ABL1: variants seen among roughly 807,000 people sequenced by gnomAD.
The protein encoded by ABL1 is tyrosine-protein kinase ABL1.
In ABL1, 11 loss-of-function variants were observed where a neutral mutation model predicts 94.7. That is an observed-to-expected ratio of 0.12 (90% CI 0.07 to 0.19). The LOEUF (loss-of-function observed/expected upper bound fraction) is 0.19. Among genes scored for constraint, ABL1 ranks in the 10% least tolerant of loss-of-function variants. The probability of loss-of-function intolerance (pLI) is 1.00; values close to 1 mark genes in which losing one functional copy is unlikely to be tolerated. For missense variants in ABL1, 1,082 were observed against 1,489.4 expected (o/e 0.73, Z 4.50); for synonymous variants, 656 against 622.4 (o/e 1.05, Z -0.80).
intron 2 of ABL1, among the ~76,000 whole-genome samples, chr9:130,854,464 A>G (rs1830941564): frequency 6.6e-6 from 1 of 152,220 alleles, no homozygotes; most frequent in Admixed American, 6.5e-5. Context: ...TATACTGAAA[A>G]GGACAGCTGG....
intron 1 of ABL1, among the ~76,000 whole-genome samples, chr9:130,734,205 T>C (rs553434602): frequency 8.8e-5 from 13 of 148,182 alleles, no homozygotes; most frequent in Admixed American, 2.1e-4. Context: ...TTTTTAATAC[T>C]CTATTGAATA....
intron 3 of ABL1, among the ~76,000 whole-genome samples, chr9:130,856,050 G>A (rs986658376): frequency 6.6e-6 from 1 of 152,076 alleles, no homozygotes; most frequent in Non-Finnish European, 1.5e-5. Flanking sequence ...CGAGTAGTTG[G>A]GACCACAGGC....
chr9:130,793,858 G>T (rs34165662), intron 1 of ABL1, among the ~76,000 whole-genome samples: 1 of 151,982 alleles, frequency 6.6e-6, no homozygotes, highest in African/African-American at 2.4e-5. Context: ...GATCAGTGGC[G>T]GCATTAGTTT....
intron 1 of ABL1, among the ~76,000 whole-genome samples, chr9:130,807,668 T>TTATATATATATATATATA (rs35665086): frequency 1.8e-5 from 2 of 113,298 alleles, no homozygotes; most frequent in African/African-American, 6.4e-5. Flanking sequence ...TTCCTTAATT[T>TTATATATATATATATATA]TATATATATA....
At chr9:130,754,674 TG>T (rs573554324) in intron 1 of ABL1, among the ~76,000 whole-genome samples, 3 of 104,316 alleles carry the variant, frequency 2.9e-5, no homozygotes, top group Non-Finnish European at 5.3e-5. Context: ...AATCAAGTAA[TG>T]GGGGGGGCTT....
chr9:130,887,128 C>G lies in ABL1; in HGVS notation c.*1445C>G, dbSNP rs568174612. On this transcript the variant is annotated 3_prime_UTR_variant, in exon 11 of 11. Transcript: ENST00000318560. ...ACTCCGAGAGCAGTGGGCAGGTGGC[C>G]GCCCCTGAGGCTTCACGCCGGGAGA... The G allele has an allele frequency of 2.0e-3, 472 of 233,262 alleles. 2 individuals carry two copies. Among genetic ancestry groups the G allele is most frequent in the African/African-American group, 1.0e-2 (454 of 45,468 alleles). 14.4% of individuals were successfully genotyped at this position (233,262 alleles called of 1,614,324 possible).
At chr9:130,774,066 A>G (rs928121654) in intron 1 of ABL1, among the ~76,000 whole-genome samples, 3 of 152,218 alleles carry the variant, frequency 2.0e-5, no homozygotes, top group African/African-American at 7.2e-5. Context: ...TTTGCCTGAC[A>G]TAATTATCTT....
intron 1 of ABL1, among the ~76,000 whole-genome samples, chr9:130,730,046 C>CTTTTTTTTTTTTTT (rs138446676): frequency 0.11 from 12,065 of 105,448 alleles, 1,502 homozygotes; most frequent in Non-Finnish European, 0.17. Context: ...CCCAGCCAGA[C>CTTTTTTTTTTTTTT]TTTTTTTTTT....
chr9:130,732,715 G>C (rs1400697263), intron 1 of ABL1, among the ~76,000 whole-genome samples: 1 of 151,954 alleles, frequency 6.6e-6, no homozygotes, highest in African/African-American at 2.4e-5. Context: ...TAAAATCCCG[G>C]GGGTCTGGTG....
chr9:130,756,544 T>C (rs1428140349), intron 1 of ABL1, among the ~76,000 whole-genome samples: 1 of 152,226 alleles, frequency 6.6e-6, no homozygotes, highest in Non-Finnish European at 1.5e-5. Flanking sequence ...TCTGTTTTAC[T>C]CTGACATTTT....
Position 130,884,589 on chromosome 9 carries a change from G to A in ABL1, c.2299G>A (p.Ala767Thr), listed in dbSNP as rs1831532104. ...SEKPALPRKR[A>T]GENRSDQVTR... ...GAAGCCGGCTCTGCCTCGGAAGAGG[G>A]CAGGGGAGAACAGGTCTGACCAGGT... The change falls in exon 11 of 11, where the codon GCA becomes ACA. Residue 767 changes from alanine (A) to threonine (T), a missense_variant. By Grantham distance (58) the Ala-to-Thr change is moderately conservative. Coordinates refer to ENST00000318560, the MANE Select transcript of ABL1 (RefSeq NM_005157.6). This position sits in a 1 kb window ranked among gnomAD's most constrained non-coding sequence, Gnocchi z 5.6. The A allele has an allele frequency of 6.2e-7, 1 of 1,613,380 alleles. No homozygotes were observed. Among genetic ancestry groups the A allele is most frequent in the African/African-American group, 1.3e-5 (1 of 75,066 alleles).
intron 1 of ABL1, among the ~76,000 whole-genome samples, chr9:130,816,162 C>T (rs750799951): frequency 2.6e-5 from 4 of 152,066 alleles, no homozygotes; most frequent in African/African-American, 9.7e-5. Flanking sequence ...CCACATTGGC[C>T]TCTTTGCTCT....
At chr9:130,821,688 G>A (rs1830364665) in intron 1 of ABL1, among the ~76,000 whole-genome samples, 2 of 148,652 alleles carry the variant, frequency 1.3e-5, no homozygotes, top group African/African-American at 2.5e-5. Flanking sequence ...TTGAGATGGA[G>A]TTTTGCTCTT....
Position 130,872,402 on chromosome 9 carries a change from C to T in ABL1, c.907+189C>T, listed in dbSNP as rs1214101340. ...GTGTGTGCGTGTGTGCACATATGCACATGTATGTATGAGAGGGAGAATGTG... is the reference window on the plus strand; with the variant it reads ...GTGTGTGCGTGTGTGCACATATGCATATGTATGTATGAGAGGGAGAATGTG... On this transcript the variant is annotated intron_variant, in intron 5 of 10. Coordinates refer to ENST00000318560, the MANE Select transcript of ABL1 (RefSeq NM_005157.6). This position sits in a 1 kb window ranked among gnomAD's most constrained non-coding sequence, Gnocchi z 5.0. Among the ~76,000 whole-genome samples the T allele has an allele frequency of 6.6e-6, 1 of 152,206 alleles. No homozygotes were observed. Among genetic ancestry groups the T allele is most frequent in the Non-Finnish European group, 1.5e-5 (1 of 68,044 alleles).
In ABL1 at chr9:130,863,714, C is replaced by G. The variant is rs1183575226; in HGVS notation, c.822+679C>G. Among the ~76,000 whole-genome samples, 1 of 152,194 alleles carries G rather than the reference C, an allele frequency of 6.6e-6. No individual in the cohort carries two copies. Among genetic ancestry groups the G allele is most frequent in the Non-Finnish European group, 1.5e-5 (1 of 68,036 alleles). On this transcript the variant is annotated intron_variant, in intron 4 of 10. Coordinates refer to ENST00000318560, the MANE Select transcript of ABL1 (RefSeq NM_005157.6). This position sits in a 1 kb window ranked among gnomAD's most constrained non-coding sequence, Gnocchi z 4.3. ...AAGTTCTTTGAAACCCTTAGGACGC[C>G]AAGGGAAGGAAGTTTTCATTTTCAG...
At chr9:130,870,599 A>G (rs967547338) in intron 4 of ABL1, among the ~76,000 whole-genome samples, 6 of 152,200 alleles carry the variant, frequency 3.9e-5, no homozygotes, top group African/African-American at 9.6e-5. Flanking sequence ...AGAGCACTCC[A>G]TGCCAAAAAA....
intron 1 of ABL1, among the ~76,000 whole-genome samples, chr9:130,762,835 C>T (rs546258091): frequency 2.0e-5 from 3 of 148,972 alleles, no homozygotes; most frequent in East Asian, 2.0e-4. Flanking sequence ...GGCATGAACC[C>T]GGGAGGTGCA....
At chr9:130,831,807 C>G (rs1830497715), upstream of ABL1, among the ~76,000 whole-genome samples, 1 of 152,060 alleles carries the variant, frequency 6.6e-6, no homozygotes, top group African/African-American at 2.4e-5. Flanking sequence ...CAGGATTTCC[C>G]CATGTTGGCC....
rs747551907 is a variant in ABL1 at position 130,862,218 on chromosome 9, G to A, written c.550-545G>A. On this transcript the variant is annotated intron_variant, in intron 3 of 10. Transcript: ENST00000318560. This position sits in a 1 kb window ranked among gnomAD's most constrained non-coding sequence, Gnocchi z 5.5. ...AATTTAATCAACAGTTATTTATTGA[G>A]TACTTATTACATGTTGATTTCCTGT... Among the ~76,000 whole-genome samples, 6 of 152,184 alleles carry A rather than the reference G, an allele frequency of 3.9e-5. No homozygotes were observed. The highest frequency in any genetic ancestry group is 8.8e-5 in the Non-Finnish European group (6 of 68,034).
Sources: gnomAD v4.1 joint callset for allele counts (sites outside exome capture counted in the v4.1 genomes callset) on GRCh38, gnomAD v4.1.1 for gene constraint, Gnocchi (gnomAD v3.1) non-coding constraint, MANE v1.5 for transcripts, NCBI Gene and HGNC (gene_info 2026-07-23, HGNC 2026-07-21) for gene names.